Variants in NRXN3 observed in about 807,000 individuals in gnomAD.
NRXN3 encodes neurexin 3.
In NRXN3, 32 loss-of-function variants were observed where a neutral mutation model predicts 137.6. The observed-to-expected ratio is 0.23, with a 90% CI of 0.18 to 0.31. NRXN3 has a LOEUF of 0.31. NRXN3 is among the 10% of genes least tolerant of loss of function. The pLI, the probability that NRXN3 is intolerant of heterozygous loss-of-function variation, is 1.00. For missense variants in NRXN3, 1,574 were observed against 2,062.5 expected, an observed-to-expected ratio of 0.76 and a Z score of 4.59; for synonymous variants, 798 against 784.5, an observed-to-expected ratio of 1.02 and a Z score of -0.29.
At chr14:79,590,584 A>G (rs1217354258) in intron 16 of NRXN3, among the ~76,000 whole-genome samples, 1 of 152,116 alleles carries the variant, frequency 6.6e-6, no homozygotes, top group Non-Finnish European at 1.5e-5. Context: ...CATGATATCT[A>G]AATTAGTCTT....
intron 16 of NRXN3, among the ~76,000 whole-genome samples, chr14:79,539,879 G>T (rs2097255369): frequency 6.6e-6 from 1 of 152,034 alleles, no homozygotes; most frequent in African/African-American, 2.4e-5. Context: ...TTTCTGTCTG[G>T]TGCCTACCTG....
chr14:79,012,321 A>G (rs1344438575), intron 15 of NRXN3, among the ~76,000 whole-genome samples: 1 of 152,174 alleles, frequency 6.6e-6, no homozygotes, highest in Non-Finnish European at 1.5e-5. Flanking sequence ...TTAAGATGGA[A>G]CAGCTAATAA....
rs1566970270 is a variant in NRXN3 at position 78,207,713 on chromosome 14, C to T, written c.-703-34678C>T. On this transcript the variant is annotated intron_variant, in intron 1 of 20. Transcript: ENST00000335750. The stretch of plus-strand genomic sequence containing the variant: ...ATCCCTCTTTCCCCACCACGTTAGT[C>T]ATCACGCCCTTTTGGTTCTTCTTTT... Among the ~76,000 whole-genome samples, 3 of 152,350 alleles carry T rather than the reference C, an allele frequency of 2.0e-5. No homozygotes were observed. The East Asian group carries it at 5.8e-4, about 29-fold the overall frequency.
At chr14:79,077,940 G>T (rs2152742864) in intron 15 of NRXN3, among the ~76,000 whole-genome samples, 1 of 152,242 alleles carries the variant, frequency 6.6e-6, no homozygotes, top group Middle Eastern at 3.4e-3. Flanking sequence ...TTTGATTTCA[G>T]TTGTTTTATA....
intron 4 of NRXN3, among the ~76,000 whole-genome samples, chr14:78,306,070 T>G (rs2077343223): frequency 6.6e-6 from 1 of 152,170 alleles, no homozygotes; most frequent in Non-Finnish European, 1.5e-5. Flanking sequence ...GCATGGATGT[T>G]TCTTGGAGCA....
At chr14:79,776,005 G>A (rs2099095935) in intron 19 of NRXN3, among the ~76,000 whole-genome samples, 1 of 152,156 alleles carries the variant, frequency 6.6e-6, no homozygotes, top group Non-Finnish European at 1.5e-5. Context: ...GCCAAGGAAT[G>A]AATTAATGAG....
At chr14:78,214,312 A>T (rs2153416071) in intron 1 of NRXN3, among the ~76,000 whole-genome samples, 1 of 152,264 alleles carries the variant, frequency 6.6e-6, no homozygotes, top group Admixed American at 6.5e-5. Flanking sequence ...ATATCTCTGC[A>T]CAAGAGTAAC....
At chr14:79,778,676 G>C (rs1366482863) in intron 19 of NRXN3, among the ~76,000 whole-genome samples, 5 of 152,198 alleles carry the variant, frequency 3.3e-5, no homozygotes, top group African/African-American at 1.2e-4. Context: ...AAATATGGTA[G>C]TATTGACTCC....
chr14:79,498,463 G>C (rs1222616655), intron 16 of NRXN3, among the ~76,000 whole-genome samples: 1 of 152,174 alleles, frequency 6.6e-6, no homozygotes, highest in Non-Finnish European at 1.5e-5. Flanking sequence ...GTAGGCATCT[G>C]AAAAGCATCA....
At chr14:78,727,173 C>T (rs1411991867) in intron 8 of NRXN3, among the ~76,000 whole-genome samples, 2 of 152,126 alleles carry the variant, frequency 1.3e-5, no homozygotes, top group African/African-American at 4.8e-5. Flanking sequence ...TTTTAAGTTC[C>T]TTGCTGAGTT....
chr14:79,143,125 G>A (rs1353705983), intron 15 of NRXN3, among the ~76,000 whole-genome samples: 1 of 152,060 alleles, frequency 6.6e-6, no homozygotes, highest in Non-Finnish European at 1.5e-5. Context: ...TAACTGTAAG[G>A]TCCTTGAGGG....
intron 15 of NRXN3, among the ~76,000 whole-genome samples, chr14:79,192,990 C>CA (rs2064612744): frequency 6.6e-6 from 1 of 151,778 alleles, no homozygotes; most frequent in Admixed American, 6.6e-5. Flanking sequence ...AGGCTGGTCT[C>CA]AAACTCCTGA....
intron 15 of NRXN3, among the ~76,000 whole-genome samples, chr14:79,049,091 A>C (rs1405889404): frequency 7.8e-6 from 1 of 128,996 alleles, no homozygotes; most frequent in Non-Finnish European, 1.7e-5. Context: ...TAATAATAAT[A>C]ATAATATGAT....
At chr14:79,181,108 C>A (rs959743382) in intron 15 of NRXN3, among the ~76,000 whole-genome samples, 3 of 150,046 alleles carry the variant, frequency 2.0e-5, no homozygotes, top group African/African-American at 4.9e-5. Flanking sequence ...GCATGAAGTG[C>A]CAAACTATTT....
At chr14:78,392,876 C>T (rs1352935446) in intron 4 of NRXN3, among the ~76,000 whole-genome samples, 1 of 152,076 alleles carries the variant, frequency 6.6e-6, no homozygotes, top group Non-Finnish European at 1.5e-5. Flanking sequence ...GTACTAGCTT[C>T]CTTTTGCAGG....
intron 19 of NRXN3, among the ~76,000 whole-genome samples, chr14:79,744,291 A>G (rs1378779918): frequency 6.6e-6 from 1 of 152,228 alleles, no homozygotes; most frequent in Non-Finnish European, 1.5e-5. Flanking sequence ...ATGGGTCACA[A>G]AAGTTCTACT....
At chr14:79,227,245 A>G (rs1270677050) in intron 15 of NRXN3, among the ~76,000 whole-genome samples, 1 of 152,162 alleles carries the variant, frequency 6.6e-6, no homozygotes, top group Non-Finnish European at 1.5e-5. Flanking sequence ...CTGGAAACAG[A>G]CCACTGATTC....
intron 4 of NRXN3, among the ~76,000 whole-genome samples, chr14:78,612,685 T>G (rs2097310199): frequency 6.6e-6 from 1 of 152,234 alleles, no homozygotes; most frequent in Non-Finnish European, 1.5e-5. Context: ...ATTTTTGAAC[T>G]AGTCTGGTAC....
intron 4 of NRXN3, among the ~76,000 whole-genome samples, chr14:78,322,543 C>A (rs910515421): frequency 1.3e-5 from 2 of 151,868 alleles, no homozygotes; most frequent in African/African-American, 4.9e-5. Context: ...ACAAATAAAT[C>A]CTCCCTCAAC....
Sources: allele counts gnomAD v4.1 joint callset (sites outside exome capture counted in the v4.1 genomes callset), GRCh38; gene constraint gnomAD v4.1.1; transcripts MANE v1.5; gene names NCBI Gene and HGNC (gene_info 2026-07-23, HGNC 2026-07-21).